Variants in FAM200B observed in about 807,000 individuals in gnomAD.
FAM200B encodes zinc finger BED-type containing 11, also known as protein FAM200B.
Under a neutral mutation model 33.1 loss-of-function variants are expected in FAM200B, and 32 were observed. That is an observed-to-expected ratio of 0.97 (90% CI 0.73 to 1.30). The LOEUF (loss-of-function observed/expected upper bound fraction) is 1.30. FAM200B is among the 50% of genes most tolerant of loss of function. FAM200B has a pLI of 0.00. For synonymous variants in FAM200B, 240 were observed against 264.8 expected (o/e 0.91, Z 0.91); for missense variants, 741 against 754.0 (o/e 0.98, Z 0.20).
chr4:15,641,808 C>T, the FAM200B span, among the ~76,000 whole-genome samples: 3 of 152,072 alleles, frequency 2.0e-5, no homozygotes, highest in Non-Finnish European at 4.4e-5. Flanking sequence ...AGGCGGATCA[C>T]CTGAGGTCAG....
In FAM200B at chr4:15,687,366, A is replaced by G; in HGVS notation, c.389A>G (p.Lys130Arg). The G allele has an allele frequency of 1.3e-6, 2 of 1,546,578 alleles. No homozygotes were observed. The highest frequency in any genetic ancestry group is 1.7e-6 in the Non-Finnish European group (2 of 1,144,418). Residue 130 changes from lysine (K) to arginine (R), a missense_variant, in exon 2 of 2, where the codon AAG (lysine) becomes AGG (arginine). Coordinates refer to ENST00000422728, the MANE Select transcript of FAM200B (RefSeq NM_001145191.2). ...TTTCAAAGAAAGAAAAAAGACATAAAGTTATCAACACAATTTCTTAGTTGT... is the reference window on the plus strand; with the variant it reads ...TTTCAAAGAAAGAAAAAAGACATAAGGTTATCAACACAATTTCTTAGTTGT... Reference protein sequence around the residue: ...EYFQRKKKDIKLSTQFLSCST... With the variant: ...EYFQRKKKDIRLSTQFLSCST...
At chr4:15,658,805 G>C in the FAM200B span, among the ~76,000 whole-genome samples, 1 of 152,222 alleles carries the variant, frequency 6.6e-6, no homozygotes, top group Non-Finnish European at 1.5e-5. Flanking sequence ...GATAGCCACA[G>C]AGGGCTTTCT....
chr4:15,650,969 A>G, the FAM200B span, among the ~76,000 whole-genome samples: 1 of 152,154 alleles, frequency 6.6e-6, no homozygotes, highest in East Asian at 1.9e-4. Flanking sequence ...ACAGTGATAA[A>G]TCAAGTATTA....
At chr4:15,655,932 G>A in the FAM200B span, among the ~76,000 whole-genome samples, 1 of 152,210 alleles carries the variant, frequency 6.6e-6, no homozygotes. Flanking sequence ...GGCTCTGAGA[G>A]CTTCGGTCCC....
the FAM200B span, among the ~76,000 whole-genome samples, chr4:15,670,500 A>C: frequency 1.3e-5 from 2 of 152,246 alleles, no homozygotes; most frequent in African/African-American, 2.4e-5. Context: ...TTTTACATTT[A>C]AAGTGTGTGC....
At chr4:15,654,682 G>C in the FAM200B span, among the ~76,000 whole-genome samples, 3 of 152,246 alleles carry the variant, frequency 2.0e-5, no homozygotes, top group Admixed American at 6.5e-5. Flanking sequence ...GTAGCTGGGA[G>C]ACGCTGCAGT....
At chr4:15,657,762 T>C in the FAM200B span, among the ~76,000 whole-genome samples, 1 of 152,266 alleles carries the variant, frequency 6.6e-6, no homozygotes, top group African/African-American at 2.4e-5. Flanking sequence ...CTGACTTTAC[T>C]GAACTTTAGC....
the FAM200B span, among the ~76,000 whole-genome samples, chr4:15,646,190 T>C: frequency 6.6e-6 from 1 of 152,202 alleles, no homozygotes; most frequent in Non-Finnish European, 1.5e-5. Context: ...ACTGTAGCTG[T>C]ATTTCCATAA....
the FAM200B span, chr4:15,641,765 G>A: frequency 2.8e-6 from 1 of 351,996 alleles, no homozygotes; most frequent in Non-Finnish European, 5.5e-6. Context: ...GGTGGCTCAT[G>A]CCTGTAATCC....
the FAM200B span, among the ~76,000 whole-genome samples, chr4:15,670,305 A>G: frequency 1.3e-5 from 2 of 152,226 alleles, no homozygotes; most frequent in Non-Finnish European, 2.9e-5. Context: ...GATCATACGT[A>G]TGATAGATAC....
the FAM200B span, among the ~76,000 whole-genome samples, chr4:15,651,788 T>G: frequency 2.0e-5 from 3 of 152,210 alleles, no homozygotes; most frequent in Non-Finnish European, 4.4e-5. Context: ...GGGCACACCT[T>G]AAGGCCTCCA....
At chr4:15,676,844 A>C (rs73243129), upstream of FAM200B, among the ~76,000 whole-genome samples, 13,774 of 152,252 alleles carry the variant, frequency 0.09, 790 homozygotes, top group Non-Finnish European at 0.13. Context: ...CATGTTACCT[A>C]ATATATCACT....
the FAM200B span, among the ~76,000 whole-genome samples, chr4:15,668,471 G>T: frequency 6.7e-6 from 1 of 149,512 alleles, no homozygotes. Context: ...ATTTTTTTTT[G>T]TACTTGGTTT....
chr4:15,667,574 A>G, the FAM200B span, among the ~76,000 whole-genome samples: 2 of 152,152 alleles, frequency 1.3e-5, no homozygotes, highest in Admixed American at 1.3e-4. Flanking sequence ...TTGAAACAGG[A>G]GATCTTTTTA....
At position 15,688,819 on chromosome 4, in the gene FAM200B, G is replaced by T; in HGVS notation, c.1842G>T (p.Gly614=). 6.4e-7 allele frequency: 1 copy of T among 1,551,464 alleles called. No homozygotes were observed. Among genetic ancestry groups the T allele is most frequent in the Non-Finnish European group, 8.7e-7 (1 of 1,146,854 alleles). Residue 614 remains glycine, a synonymous_variant, in exon 2 of 2, where the codon GGG becomes GGT. Coordinates refer to ENST00000422728, the MANE Select transcript of FAM200B (RefSeq NM_001145191.2). ...PFTTTSLCEL[G]FSILTQLKTK... is the part of the protein sequence containing the mutation. ...CAACAACTAGTTTGTGTGAACTAGG[G>T]TTTTCCATCTTAACGCAGTTAAAAA...
Position 15,688,148 on chromosome 4 carries a change from C to A in FAM200B, c.1171C>A (p.Gln391Lys), listed in dbSNP as rs1203348417. ...LYHTKIRWLS[Q>K]GKILSRVYEL... ...TCATACCAAAATTCGTTGGTTGTCT[C>A]AAGGGAAAATACTAAGCAGGGTTTA... is the stretch of plus-strand genomic sequence containing the variant. The change falls in exon 2 of 2, where the codon CAA becomes AAA. Residue 391 changes from glutamine to lysine, a missense_variant. Physicochemically the swap from Gln to Lys is moderately conservative, Grantham distance 53. Coordinates refer to ENST00000422728, the MANE Select transcript of FAM200B (RefSeq NM_001145191.2). 21 of 1,551,064 alleles carry A rather than the reference C, an allele frequency of 1.4e-5. No individual in the cohort carries two copies. The East Asian group carries it at 4.9e-4, about 36-fold the overall frequency.
rs1475555076 is a variant in FAM200B at position 15,687,432 on chromosome 4, T to G, written c.455T>G (p.Leu152Ter). Residue 152 changes from leucine to a stop codon, truncating the protein, a stop_gained, in exon 2 of 2, where the codon TTA becomes TGA. Transcript: ENST00000422728. LOFTEE classifies it high-confidence loss of function. ...GAGAAAGCCTTATTATCATCATATTTAGTTGCATATCGTGTGGCAAAAGAG... is the reference window on the plus strand; with the variant it reads ...GAGAAAGCCTTATTATCATCATATTGAGTTGCATATCGTGTGGCAAAAGAG... ...VSEKALLSSYLVAYRVAKEKI... is the reference protein window; with the variant it reads ...VSEKALLSSY The G allele has an allele frequency of 1.3e-6, 2 of 1,550,822 alleles. No individual in the cohort carries two copies. The highest frequency in any genetic ancestry group is 2.0e-5 in the Admixed American group (1 of 50,996).
At chr4:15,681,267 CTA>C (rs1718249208), upstream of FAM200B, 2 of 152,868 alleles carry the variant, frequency 1.3e-5, no homozygotes. Context: ...TCCACAAAGA[CTA>C]TGAAAATCAC....
chr4:15,667,196 G>A, the FAM200B span, among the ~76,000 whole-genome samples: 5 of 152,258 alleles, frequency 3.3e-5, no homozygotes, highest in East Asian at 7.7e-4. Context: ...TAGGTTCTTG[G>A]CTCTTTCACT....
Sources: gnomAD v4.1 joint callset for allele counts (sites outside exome capture counted in the v4.1 genomes callset) on GRCh38, gnomAD v4.1.1 for gene constraint, MANE v1.5 for transcripts, NCBI Gene and HGNC (gene_info 2026-07-23, HGNC 2026-07-21) for gene names.